Variants in EPHB1 observed in about 807,000 individuals in gnomAD.
EPHB1 encodes the protein EPH receptor B1.
A neutral mutation model predicts 94.4 loss-of-function variants in EPHB1; 30 were observed. That is an observed-to-expected ratio of 0.32 (90% confidence interval 0.24 to 0.43). The LOEUF (loss-of-function observed/expected upper bound fraction) is 0.43. EPHB1 is among the 20% of genes least tolerant of loss of function. The probability of loss-of-function intolerance (pLI) is 1.00; values close to 1 mark genes in which losing one functional copy is unlikely to be tolerated. For missense variants in EPHB1, 1,055 were observed against 1,308.3 expected (o/e 0.81, Z 2.99); for synonymous variants, 522 against 489.1 (o/e 1.07, Z -0.89).
At chr3:134,973,328 G>A (rs1274599429) in intron 3 of EPHB1, among the ~76,000 whole-genome samples, 1 of 151,986 alleles carries the variant, frequency 6.6e-6, no homozygotes, top group Admixed American at 6.6e-5. Context: ...CAAGTTTCTG[G>A]CTCAGCCTGG....
intron 1 of EPHB1, among the ~76,000 whole-genome samples, chr3:134,807,481 G>T (rs1308922897): frequency 6.7e-6 from 1 of 149,872 alleles, no homozygotes; most frequent in Non-Finnish European, 1.5e-5. Flanking sequence ...GAGTGGGAAG[G>T]ATTTGGGGAA....
intron 1 of EPHB1, among the ~76,000 whole-genome samples, chr3:134,909,193 C>G (rs1387605365): frequency 6.6e-6 from 1 of 151,902 alleles, no homozygotes; most frequent in Admixed American, 6.6e-5. Context: ...AGGTCCTGGC[C>G]TCTCATAATC....
At position 134,922,940 on chromosome 3, in the gene EPHB1, C is replaced by T. The variant is rs888385156; in HGVS notation, c.59-2876C>T. On this transcript the variant is annotated intron_variant, in intron 1 of 15. Transcript: ENST00000398015. ...TTGCCCCTGTTTCAGGCCCACCTGG[C>T]GGAGACATTTTAATAATCATGGAGA... is the stretch of plus-strand genomic sequence containing the variant. Among the ~76,000 whole-genome samples, 14 of 152,292 alleles carry T rather than the reference C, an allele frequency of 9.2e-5. No individual in the cohort carries two copies. In the South Asian group the frequency reaches 1.0e-3, roughly 11 times the overall value.
In EPHB1 at chr3:135,179,970, G is replaced by T. The variant is rs368385190; in HGVS notation, c.1870G>T (p.Val624Phe). ...TGTATCTTTTGTGAAAATTGAAGAG[G>T]TCATCGGAGCAGGTATGGCTCTTCC... ...IDVSFVKIEEVIGAGEFGEVY... is the reference protein window; with the variant it reads ...IDVSFVKIEEFIGAGEFGEVY... Residue 624 changes from valine (V) to phenylalanine (F), a missense_variant, in exon 10 of 16, where the codon GTC (valine) becomes TTC (phenylalanine). Physicochemically the swap from Val to Phe is conservative, Grantham distance 50. Coordinates refer to ENST00000398015, the MANE Select transcript of EPHB1 (RefSeq NM_004441.5). The T allele has an allele frequency of 6.8e-6, 11 of 1,613,874 alleles. No homozygotes were observed. The highest frequency in any genetic ancestry group is 9.3e-6 in the Non-Finnish European group (11 of 1,179,800).
chr3:134,975,668 T>C (rs1934159157), intron 3 of EPHB1, among the ~76,000 whole-genome samples: 1 of 152,130 alleles, frequency 6.6e-6, no homozygotes, highest in Admixed American at 6.5e-5. Context: ...ATTATTTACA[T>C]CTCACTTTAT....
chr3:135,228,774 G>GA (rs200901616), intron 12 of EPHB1, among the ~76,000 whole-genome samples: 94,745 of 150,182 alleles, frequency 0.63, 32,470 homozygotes, highest in Middle Eastern at 0.83. Context: ...GGCTGACAGG[G>GA]ACTCCATGCT....
chr3:135,154,822 A>G (rs1218228428), intron 6 of EPHB1, among the ~76,000 whole-genome samples: 3 of 152,226 alleles, frequency 2.0e-5, no homozygotes, highest in Admixed American at 1.3e-4. Context: ...ACTCTTGAGC[A>G]TCTGCTTCTG....
intron 9 of EPHB1, among the ~76,000 whole-genome samples, chr3:135,172,839 G>T (rs1941843754): frequency 6.6e-6 from 1 of 152,192 alleles, no homozygotes; most frequent in South Asian, 2.1e-4. Context: ...CCATGTGTCT[G>T]CTGCTGGCTG....
intron 3 of EPHB1, among the ~76,000 whole-genome samples, chr3:135,101,124 C>T (rs1292416271): frequency 6.6e-6 from 1 of 152,156 alleles, no homozygotes; most frequent in Non-Finnish European, 1.5e-5. Flanking sequence ...GTTACCTTGT[C>T]CCATTGACAA....
At chr3:134,928,555 C>G (rs1277942990) in intron 2 of EPHB1, among the ~76,000 whole-genome samples, 1 of 152,182 alleles carries the variant, frequency 6.6e-6, no homozygotes, top group African/African-American at 2.4e-5. Context: ...TCCTTGGAGT[C>G]AGAGGACACA....
At chr3:134,941,813 C>T (rs9859830) in intron 2 of EPHB1, among the ~76,000 whole-genome samples, 18,134 of 146,588 alleles carry the variant, frequency 0.12, 1,224 homozygotes, top group African/African-American at 0.15. Flanking sequence ...AGCCAGACTG[C>T]AGAGAGTCAA....
chr3:135,248,255 T>G lies in EPHB1; in HGVS notation c.2497-61T>G, dbSNP rs1943974588. 3 of 1,445,588 alleles carry G rather than the reference T, an allele frequency of 2.1e-6. No individual in the cohort carries two copies. In the African/African-American group the frequency reaches 4.2e-5, roughly 20 times the overall value. 89.5% of individuals were successfully genotyped at this position (1,445,588 alleles called of 1,614,324 possible). On this transcript the variant is annotated intron_variant, in intron 13 of 15. Coordinates refer to ENST00000398015, the MANE Select transcript of EPHB1 (RefSeq NM_004441.5). ...GGAGGCTCCATATAAAGGGGATAAT[T>G]TGTGAGTGACTGGCTGGTGGCAGTC...
intron 1 of EPHB1, among the ~76,000 whole-genome samples, chr3:134,861,167 G>T (rs1252560537): frequency 6.6e-6 from 1 of 152,154 alleles, no homozygotes; most frequent in African/African-American, 2.4e-5. Context: ...ATGTAGCAGG[G>T]CATAGGCACA....
chr3:135,096,323 G>T (rs1938759364), intron 3 of EPHB1, among the ~76,000 whole-genome samples: 1 of 152,236 alleles, frequency 6.6e-6, no homozygotes, highest in Admixed American at 6.5e-5. Flanking sequence ...GAACGTGGAA[G>T]TTTTTCAGAC....
intron 1 of EPHB1, among the ~76,000 whole-genome samples, chr3:134,885,291 G>A (rs76272585): frequency 0.063 from 9,609 of 152,224 alleles, 340 homozygotes; most frequent in South Asian, 0.15. Context: ...GAAGAATAAT[G>A]AACAGAGCAT....
intron 9 of EPHB1, among the ~76,000 whole-genome samples, chr3:135,172,389 C>T (rs541601941): frequency 6.6e-6 from 1 of 152,340 alleles, no homozygotes; most frequent in African/African-American, 2.4e-5. Context: ...AGCAAAGAGA[C>T]AGTCTGCCTT....
chr3:134,836,927 C>T (rs976485701), intron 1 of EPHB1, among the ~76,000 whole-genome samples: 1 of 152,118 alleles, frequency 6.6e-6, no homozygotes. Context: ...ATAGAATAGA[C>T]TACTATTATT....
intron 1 of EPHB1, among the ~76,000 whole-genome samples, chr3:134,888,433 G>A (rs2037901172): frequency 6.6e-6 from 1 of 152,148 alleles, no homozygotes; most frequent in Non-Finnish European, 1.5e-5. Context: ...TTCTGGGCCG[G>A]GTGTGGTGGC....
At chr3:135,128,004 G>A (rs1295639525) in intron 4 of EPHB1, among the ~76,000 whole-genome samples, 1 of 152,170 alleles carries the variant, frequency 6.6e-6, no homozygotes, top group Non-Finnish European at 1.5e-5. Context: ...AATTTCCTTA[G>A]CCCTTTAAAC....
Sources: allele counts gnomAD v4.1 joint callset (sites outside exome capture counted in the v4.1 genomes callset), GRCh38; gene constraint gnomAD v4.1.1; transcripts MANE v1.5; gene names NCBI Gene and HGNC (gene_info 2026-07-23, HGNC 2026-07-21).